The following PLOD1 variants were observed in gnomAD, a reference collection of about 807,000 sequenced individuals.
PLOD1 encodes the protein lysine hydroxylase.
PLOD1 carries 70 observed loss-of-function variants against 94.7 expected under a neutral mutation model. That is an observed-to-expected ratio of 0.74 (90% CI 0.61 to 0.90). PLOD1 has a LOEUF of 0.90. PLOD1 is among the 40% of genes least tolerant of loss of function. The pLI is 0.00. For missense variants in PLOD1, 905 were observed against 972.7 expected, an observed-to-expected ratio of 0.93 and a Z score of 0.93; for synonymous variants, 417 against 400.2, an observed-to-expected ratio of 1.04 and a Z score of -0.50.
At chr1:11,962,698 A>G (rs1395833503) in intron 10 of PLOD1, among the ~76,000 whole-genome samples, 2 of 151,638 alleles carry the variant, frequency 1.3e-5, no homozygotes, top group African/African-American at 2.4e-5. Flanking sequence ...GCAGTGAGCT[A>G]TGATTGTGCA....
chr1:11,954,740 TGGGGA>T, intron 5 of PLOD1, 85 bp from the exon 6 acceptor site: 1 of 1,006,734 alleles, frequency 9.9e-7, no homozygotes, highest in Non-Finnish European at 1.6e-6. Flanking sequence ...GGGCTGAACT[TGGGGA>T]CAGATTCCCC....
intron 1 of PLOD1, among the ~76,000 whole-genome samples, chr1:11,943,567 G>A (rs1478044061): frequency 1.3e-5 from 2 of 152,158 alleles, no homozygotes; most frequent in Non-Finnish European, 2.9e-5. Flanking sequence ...AAAGTGCTGC[G>A]ATTACAGGCG....
intron 6 of PLOD1, among the ~76,000 whole-genome samples, chr1:11,955,663 GC>G (rs1557490483): frequency 6.6e-6 from 1 of 151,658 alleles, no homozygotes; most frequent in Non-Finnish European, 1.5e-5. Context: ...TTGCTCCATC[GC>G]CCAGGCTGGA....
At chr1:11,961,932 G>A (rs1044393558) in intron 10 of PLOD1, among the ~76,000 whole-genome samples, 3 of 152,176 alleles carry the variant, frequency 2.0e-5, no homozygotes, top group African/African-American at 7.2e-5. Context: ...GGGATTACAG[G>A]TGCTTGCCAC....
Position 11,970,764 on chromosome 1 carries a change from T to C in PLOD1, c.1850T>C (p.Leu617Pro). ...GAGCGGGAGTGGCACAAATTCCTGC[T>C]GGAGTACATTGCGCCCATGACGGAG... ...GFEREWHKFLLEYIAPMTEKL... is the reference protein window; with the variant it reads ...GFEREWHKFLPEYIAPMTEKL... Residue 617 changes from leucine to proline, a missense_variant, in exon 17 of 19, where the codon CTG (leucine) becomes CCG (proline). By Grantham distance (98) the Leu-to-Pro change is moderately conservative (BLOSUM62 -3). Coordinates refer to ENST00000196061, the MANE Select transcript of PLOD1 (RefSeq NM_000302.4). 6.2e-7 allele frequency: 1 copy of C among 1,611,348 alleles called. No individual in the cohort carries two copies. Among genetic ancestry groups the C allele is most frequent in the Non-Finnish European group, 8.5e-7 (1 of 1,179,600 alleles).
chr1:11,952,551 T>A (rs543374453), intron 4 of PLOD1, 72 bp from the exon 5 acceptor site: 3 of 1,037,004 alleles, frequency 2.9e-6, no homozygotes, highest in Admixed American at 3.4e-5. Flanking sequence ...GAGGGAAGGG[T>A]GGGAGGAGGC....
intron 1 of PLOD1, chr1:11,944,422 T>TACACACACAC (rs5772479): frequency 0.1 from 47,857 of 471,696 alleles, 1,546 homozygotes; most frequent in East Asian, 0.15. Flanking sequence ...CATGCACGCG[T>TACACACACAC]ACACACACAC....
rs1428437805 is a variant in PLOD1, at chr1:11,950,350, G to A, written c.303-7G>A. On this transcript the variant is annotated splice_polypyrimidine_tract_variant and splice_region_variant and intron_variant, in intron 3 of 18. Coordinates refer to ENST00000196061, the MANE Select transcript of PLOD1 (RefSeq NM_000302.4). ...CCTGCTCCGTCTTCTCGCTGCTCTG[G>A]CCACAGCTATGACGTGCTGTTTGCA... is the stretch of plus-strand genomic sequence containing the variant. The A allele has an allele frequency of 5.0e-6, 8 of 1,613,956 alleles. No individual in the cohort carries two copies. In the Middle Eastern group the frequency reaches 6.6e-4, roughly 134 times the overall value.
At chr1:11,954,403 T>C in intron 5 of PLOD1, 2 of 417,638 alleles carry the variant, frequency 4.8e-6, no homozygotes, top group Non-Finnish European at 9.9e-6. Context: ...GGAGAATCGC[T>C]TGAACCCAGG....
intron 5 of PLOD1, 44 bp from the exon 6 acceptor site, chr1:11,954,786 C>T: frequency 2.0e-6 from 3 of 1,469,754 alleles, no homozygotes; most frequent in Non-Finnish European, 9.5e-7. Context: ...CCAGCCTCCC[C>T]CAGGGCCTGT....
At chr1:11,955,288 C>G (rs1645730502) in intron 6 of PLOD1, among the ~76,000 whole-genome samples, 1 of 152,230 alleles carries the variant, frequency 6.6e-6, no homozygotes, top group African/African-American at 2.4e-5. Flanking sequence ...CAAAAGGCTA[C>G]TTGACCCTTG....
chr1:11,970,273 T>G (rs556085945), intron 16 of PLOD1, among the ~76,000 whole-genome samples: 1 of 151,402 alleles, frequency 6.6e-6, no homozygotes, highest in East Asian at 1.9e-4. Flanking sequence ...ATAAAAATAA[T>G]AAAAATAAAA....
chr1:11,969,584 C>G (rs1316239698), intron 16 of PLOD1, among the ~76,000 whole-genome samples: 1 of 152,212 alleles, frequency 6.6e-6, no homozygotes, highest in Non-Finnish European at 1.5e-5. Context: ...TGCTCTGTAA[C>G]AAATGACTGT....
intron 6 of PLOD1, among the ~76,000 whole-genome samples, chr1:11,955,950 C>T (rs1449369594): frequency 6.6e-6 from 1 of 151,952 alleles, no homozygotes; most frequent in Non-Finnish European, 1.5e-5. Flanking sequence ...AAAATAGAGA[C>T]AGGGTCTCAC....
At position 11,958,531 on chromosome 1, in the gene PLOD1, A is replaced by G. The variant is rs1422473073; in HGVS notation, c.859A>G (p.Thr287Ala). The G allele has an allele frequency of 6.2e-7, 1 of 1,613,858 alleles. No individual in the cohort carries two copies. Among genetic ancestry groups the G allele is most frequent in the Non-Finnish European group, 8.5e-7 (1 of 1,179,962 alleles). ...LKGIGDEALP[T>A]VLVGVFIEQP... ...CCTGGTGCAGGATGAAGCTCTGCCC[A>G]CGGTCCTGGTCGGCGTGTTCATCGA... Residue 287 changes from threonine (T) to alanine (A), a missense_variant, in exon 9 of 19, where the codon ACG (threonine) becomes GCG (alanine). Physicochemically the swap from Thr to Ala is moderately conservative, Grantham distance 58. Coordinates refer to ENST00000196061, the MANE Select transcript of PLOD1 (RefSeq NM_000302.4). The surrounding 1 kb of genome is among the most constrained non-coding windows in gnomAD (Gnocchi z 4.3).
At chr1:11,961,705 G>C (rs184651984) in intron 10 of PLOD1, among the ~76,000 whole-genome samples, 2 of 152,174 alleles carry the variant, frequency 1.3e-5, no homozygotes, top group Non-Finnish European at 2.9e-5. Context: ...AAACCCCTGG[G>C]TTCAAGTGAT....
chr1:11,974,511 C>T, intron 18 of PLOD1, 142 bp from the exon 19 acceptor site: 1 of 798,248 alleles, frequency 1.3e-6, no homozygotes, highest in Non-Finnish European at 2.1e-6. Context: ...TCTTCCTTAG[C>T]AGCGCTTGTG....
At chr1:11,961,479 A>G (rs994191206) in intron 10 of PLOD1, among the ~76,000 whole-genome samples, 13 of 152,252 alleles carry the variant, frequency 8.5e-5, no homozygotes, top group African/African-American at 3.1e-4. Flanking sequence ...CCTGCTAAGG[A>G]TTAGATCATA....
At chr1:11,941,646 A>C (rs529525151) in intron 1 of PLOD1, among the ~76,000 whole-genome samples, 3 of 151,882 alleles carry the variant, frequency 2.0e-5, no homozygotes, top group Non-Finnish European at 4.4e-5. Flanking sequence ...TGCCCAGCTA[A>C]ATTTTTTTTG....
Sources: gnomAD v4.1 joint callset for allele counts (sites outside exome capture counted in the v4.1 genomes callset) on GRCh38, gnomAD v4.1.1 for gene constraint, Gnocchi (gnomAD v3.1) non-coding constraint, MANE v1.5 for transcripts, NCBI Gene and HGNC (gene_info 2026-07-23, HGNC 2026-07-21) for gene names.